Variants in MALRD1 observed in about 807,000 individuals in gnomAD.
The protein encoded by MALRD1 is MAM and LDL-receptor class A domain-containing protein 1.
In MALRD1, 247 loss-of-function variants were observed where a neutral mutation model predicts 242.1. That is an observed-to-expected ratio of 1.02 (90% confidence interval 0.92 to 1.13). The LOEUF is 1.13. MALRD1 is among the 50% of genes most tolerant of loss of function. The pLI is 0.00. For missense variants in MALRD1, 2,989 were observed against 2,533.1 expected (o/e 1.18, Z -3.86); for synonymous variants, 995 against 866.6 (o/e 1.15, Z -2.60).
intron 36 of MALRD1, among the ~76,000 whole-genome samples, chr10:19,663,236 C>T (rs1172483105): frequency 2.0e-5 from 3 of 152,074 alleles, no homozygotes; most frequent in Non-Finnish European, 2.9e-5. Context: ...CCCATGTGTA[C>T]AAATTATTTA....
intron 36 of MALRD1, among the ~76,000 whole-genome samples, chr10:19,665,311 A>G (rs998040198): frequency 2.4e-4 from 37 of 152,156 alleles, no homozygotes; most frequent in African/African-American, 8.9e-4. Flanking sequence ...TGTGGGACAA[A>G]TATAGAGGGA....
intron 21 of MALRD1, among the ~76,000 whole-genome samples, chr10:19,302,584 A>C (rs964420180): frequency 6.6e-6 from 1 of 151,790 alleles, no homozygotes; most frequent in African/African-American, 2.4e-5. Context: ...AGATTGGGCA[A>C]ATCTACAGAA....
chr10:19,306,061 CTATACTATATATACTA>C (rs1350550233), intron 21 of MALRD1, among the ~76,000 whole-genome samples: 14 of 98,054 alleles, frequency 1.4e-4, no homozygotes, highest in East Asian at 2.9e-4. Context: ...ATTTATTATA[CTATACTATATATACTA>C]TATACTATAT....
At chr10:19,376,542 C>CATTTTTTTTTTTTTTT (rs1554842468) in intron 26 of MALRD1, among the ~76,000 whole-genome samples, 2 of 94,992 alleles carry the variant, frequency 2.1e-5, no homozygotes, top group Admixed American at 1.2e-4. Flanking sequence ...TTGATACATT[C>CATTTTTTTTTTTTTTT]TTTTTTTTTT....
intron 2 of MALRD1, among the ~76,000 whole-genome samples, chr10:19,075,428 G>C (rs1389430427): frequency 6.6e-6 from 1 of 152,014 alleles, no homozygotes; most frequent in Non-Finnish European, 1.5e-5. Flanking sequence ...GGAGAGCTAA[G>C]GCAGAAGGCA....
chr10:19,270,461 A>G (rs1196234011), intron 19 of MALRD1, among the ~76,000 whole-genome samples: 1 of 152,092 alleles, frequency 6.6e-6, no homozygotes, highest in Non-Finnish European at 1.5e-5. Context: ...TAACTATAAC[A>G]TAGCGTGCAT....
rs144737658 is a variant in MALRD1 at position 19,232,856 on chromosome 10, G to A, written c.2991+23176G>A. On this transcript the variant is annotated intron_variant, in intron 18 of 39. Coordinates refer to ENST00000454679, the MANE Select transcript of MALRD1 (RefSeq NM_001142308.3). ...TGCTCTTTCACTGTCCTAAAAGATA[G>A]AACAAAATGGTTCAGGCATCCAGCT... 3.3e-5 allele frequency among the ~76,000 whole-genome samples: 5 copies of A among 152,080 alleles called. No individual in the cohort carries two copies. The East Asian group carries it at 9.7e-4, about 29-fold the overall frequency.
rs1340963309 is a variant in MALRD1, at chr10:19,324,040, A to G, written c.3511A>G (p.Thr1171Ala). ...CATTCTCACTCCTATCATTTCACTCACGGGACCAAAATGTACCTTGGTGTT... is the reference window on the plus strand; with the variant it reads ...CATTCTCACTCCTATCATTTCACTCGCGGGACCAAAATGTACCTTGGTGTT... ...ADILTPIISL[T>A]GPKCTLVFWT... is the part of the protein sequence containing the mutation. The change falls in exon 22 of 40, where the codon ACG (threonine) becomes GCG (alanine). Residue 1171 changes from threonine to alanine, a missense_variant. Transcript: ENST00000454679. 6.4e-7 allele frequency: 1 copy of G among 1,550,548 alleles called. No individual in the cohort carries two copies. The highest frequency in any genetic ancestry group is 8.7e-7 in the Non-Finnish European group (1 of 1,146,906).
intron 18 of MALRD1, among the ~76,000 whole-genome samples, chr10:19,228,242 G>C (rs145724652): frequency 5.6e-4 from 85 of 152,244 alleles, no homozygotes; most frequent in African/African-American, 2.0e-3. Context: ...TGATACAACA[G>C]CAATATAAGT....
intron 28 of MALRD1, among the ~76,000 whole-genome samples, chr10:19,439,431 G>C (rs746712984): frequency 6.6e-6 from 1 of 152,034 alleles, no homozygotes; most frequent in Non-Finnish European, 1.5e-5. Context: ...CCTGATGGTG[G>C]GAGGCTGAGG....
chr10:19,119,464 TG>T (rs1420944895), intron 5 of MALRD1, among the ~76,000 whole-genome samples: 1 of 152,052 alleles, frequency 6.6e-6, no homozygotes, highest in Non-Finnish European at 1.5e-5. Context: ...CTTGGTGGGT[TG>T]GGGGAAGCCA....
chr10:19,395,068 T>G (rs1846518859), intron 28 of MALRD1, among the ~76,000 whole-genome samples: 1 of 152,216 alleles, frequency 6.6e-6, no homozygotes, highest in Non-Finnish European at 1.5e-5. Context: ...TTAGTGCTTT[T>G]TCAGAATCGT....
intron 18 of MALRD1, among the ~76,000 whole-genome samples, chr10:19,236,579 AG>A (rs1278412099): frequency 6.6e-6 from 1 of 152,084 alleles, no homozygotes; most frequent in Non-Finnish European, 1.5e-5. Flanking sequence ...TTACTTCCTA[AG>A]TTAACTTCTT....
intron 36 of MALRD1, among the ~76,000 whole-genome samples, chr10:19,639,204 T>G (rs1187420134): frequency 6.6e-6 from 1 of 152,180 alleles, no homozygotes; most frequent in African/African-American, 2.4e-5. Flanking sequence ...AACTTTTGTT[T>G]CAGAAAAAGT....
At chr10:19,484,130 G>C (rs575613210) in intron 29 of MALRD1, among the ~76,000 whole-genome samples, 1 of 152,186 alleles carries the variant, frequency 6.6e-6, no homozygotes, top group Non-Finnish European at 1.5e-5. Context: ...GACAAGAGAA[G>C]AGAGGGAGGA....
At chr10:19,715,031 T>C (rs1834318741) in intron 38 of MALRD1, among the ~76,000 whole-genome samples, 2 of 152,232 alleles carry the variant, frequency 1.3e-5, no homozygotes, top group African/African-American at 4.8e-5. Flanking sequence ...TGAACTTTTA[T>C]CACTGTATAA....
rs912611793 is a variant in MALRD1 at position 19,278,306 on chromosome 10, A to G, written c.3080-1741A>G. Among the ~76,000 whole-genome samples the G allele has an allele frequency of 3.4e-4, 52 of 152,248 alleles. 2 individuals are homozygous for G. The highest frequency in any genetic ancestry group is 1.2e-4 in the Non-Finnish European group (8 of 68,046). ...CAAGATGAGCTCATCAACCTTTGAA[A>G]GTTTAAGCATCAGCTTGCCACGGCA... On this transcript the variant is annotated intron_variant, in intron 19 of 39. Coordinates refer to ENST00000454679, the MANE Select transcript of MALRD1 (RefSeq NM_001142308.3).
At chr10:19,176,275 A>G (rs1241853042) in intron 14 of MALRD1, among the ~76,000 whole-genome samples, 1 of 151,724 alleles carries the variant, frequency 6.6e-6, no homozygotes, top group Non-Finnish European at 1.5e-5. Flanking sequence ...TTTGGGTCAC[A>G]TGATTCTGGA....
chr10:19,390,175 T>A (rs1294253592), intron 28 of MALRD1, among the ~76,000 whole-genome samples: 3 of 152,226 alleles, frequency 2.0e-5, no homozygotes, highest in Non-Finnish European at 4.4e-5. Context: ...GACACATACA[T>A]TTCTTCTTCC....
Sources: allele counts gnomAD v4.1 joint callset (sites outside exome capture counted in the v4.1 genomes callset), GRCh38; gene constraint gnomAD v4.1.1; transcripts MANE v1.5; gene names NCBI Gene and HGNC (gene_info 2026-07-23, HGNC 2026-07-21).